The following UGT2B17 variants were observed in gnomAD, a reference collection of about 807,000 sequenced individuals.
The protein encoded by UGT2B17 is UDP glucuronosyltransferase family 2 member B17.
A neutral mutation model predicts 48.2 loss-of-function variants in UGT2B17; 21 were observed. That is an observed-to-expected ratio of 0.44 (90% confidence interval 0.31 to 0.63). The LOEUF is 0.63. Ranked by LOEUF, UGT2B17 falls within the 20% of genes least tolerant of loss-of-function variation. UGT2B17 has a pLI of 0.08. For missense variants in UGT2B17, 402 were observed against 696.1 expected, an observed-to-expected ratio of 0.58 and a Z score of 4.75; for synonymous variants, 146 against 238.4, an observed-to-expected ratio of 0.61 and a Z score of 3.57.
chr4:68,538,690 C>A lies in UGT2B17; in HGVS notation c.1314-786G>T, dbSNP rs1437635787. Among the ~76,000 whole-genome samples the A allele has an allele frequency of 1.6e-5, 2 of 126,556 alleles. 1 individual carries two copies. The highest frequency in any genetic ancestry group is 3.3e-5 in the Non-Finnish European group (2 of 59,722). 83.0% of individuals were successfully genotyped at this position (126,556 alleles called of 152,430 possible). A position where few individuals can be genotyped will look rare whatever the true frequency, so the allele number is the denominator to read the frequency against. ...AATTAATGTCAAATTATGACAGTTG[C>A]CTGTCAAGATTTCCATCTGGTTTCT... is the stretch of plus-strand genomic sequence containing the variant. On this transcript the variant is annotated intron_variant, in intron 6 of 6. Transcript: ENST00000317746.
At position 68,542,434 on chromosome 4, in the gene UGT2B17, C is replaced by T. The variant is rs1455615365; in HGVS notation, c.1314-4530G>A. Among the ~76,000 whole-genome samples the T allele has an allele frequency of 1.6e-5, 2 of 125,996 alleles. 1 individual carries two copies. The highest frequency in any genetic ancestry group is 3.4e-5 in the Non-Finnish European group (2 of 59,538). 82.7% of individuals were successfully genotyped at this position (125,996 alleles called of 152,430 possible). On this transcript the variant is annotated intron_variant, in intron 6 of 6. Transcript: ENST00000317746. ...GTCAATGGTAGTTTGATGGGAATAG[C>T]TTTGAATATATAAATTACTGTGGGA...
rs140784626 is a variant in UGT2B17, at chr4:68,540,831, C to G, written c.1314-2927G>C. ...CCCCGAATGGCCCCGGTGTGTTTTG[C>G]TCCCCTCCCTGAGTCCATGTATTCT... is the stretch of plus-strand genomic sequence containing the variant. On this transcript the variant is annotated intron_variant, in intron 6 of 6. Transcript: ENST00000317746. Among the ~76,000 whole-genome samples, 2 of 124,450 alleles carry G rather than the reference C, an allele frequency of 1.6e-5. 1 individual carries two copies. The highest frequency in any genetic ancestry group is 5.5e-5 in the African/African-American group (2 of 36,356). The allele number at this position is 124,450 out of a possible 152,430, so 81.6% of individuals were successfully genotyped here.
At chr4:68,552,025 G>A in intron 4 of UGT2B17, 114 bp from the exon 5 acceptor site, 3 of 760,246 alleles carry the variant, frequency 3.9e-6, no homozygotes, top group Non-Finnish European at 5.3e-6. Context: ...GAAGAAATAA[G>A]AAGAAGTGAT....
chr4:68,563,031 T>A (rs1560580505), intron 3 of UGT2B17, among the ~76,000 whole-genome samples: 1 of 127,004 alleles, frequency 7.9e-6, no homozygotes. Flanking sequence ...CAGAGTTTTT[T>A]AACGAATATT....
In UGT2B17 at chr4:68,562,796, G is replaced by T. The variant is rs1369070075; in HGVS notation, c.874-2128C>A. Among the ~76,000 whole-genome samples, 4 of 125,916 alleles carry T rather than the reference G, an allele frequency of 3.2e-5. 1 individual carries two copies. The highest frequency in any genetic ancestry group is 1.1e-4 in the African/African-American group (4 of 36,916). The allele number at this position is 125,916 out of a possible 152,430, so 82.6% of individuals were successfully genotyped here. A position where few individuals can be genotyped will look rare whatever the true frequency, so the allele number is the denominator to read the frequency against. On this transcript the variant is annotated intron_variant, in intron 3 of 6. Coordinates refer to ENST00000317746, the MANE Select transcript of UGT2B17 (RefSeq NM_001077.4). ...TTTATATAACTCAATGTACATATGT[G>T]ATGTTTATTTAGAAAATTTTTTCTC...
chr4:68,569,429 T>TA (rs1448049871), intron 1 of UGT2B17, among the ~76,000 whole-genome samples: 1 of 124,416 alleles, frequency 8.0e-6, no homozygotes, highest in African/African-American at 2.8e-5. Context: ...CCAAGCAAAA[T>TA]ATAGGGGTAG....
At position 68,556,806 on chromosome 4, in the gene UGT2B17, A is replaced by C. The variant is rs1229681884; in HGVS notation, c.1005+3731T>G. ...CAAATTGAGTCTCCTCTCTCAAAGA[A>C]TGAAGATTTTTGCCTTTTTTTGAAA... is the stretch of plus-strand genomic sequence containing the variant. On this transcript the variant is annotated intron_variant, in intron 4 of 6. Coordinates refer to ENST00000317746, the MANE Select transcript of UGT2B17 (RefSeq NM_001077.4). Among the ~76,000 whole-genome samples the C allele has an allele frequency of 6.4e-5, 8 of 125,912 alleles. 2 individuals are homozygous for C. The highest frequency in any genetic ancestry group is 2.4e-4 in the Admixed American group (3 of 12,248). The allele number at this position is 125,912 out of a possible 152,430, so 82.6% of individuals were successfully genotyped here. A position where few individuals can be genotyped will look rare whatever the true frequency, so the allele number is the denominator to read the frequency against.
intron 3 of UGT2B17, among the ~76,000 whole-genome samples, chr4:68,564,288 A>ATTTTTTT (rs1387074234): frequency 4.6e-5 from 4 of 87,414 alleles, no homozygotes; most frequent in African/African-American, 2.7e-4. Context: ...ATATATATAT[A>ATTTTTTT]TATATATTTT....
At chr4:68,542,010 C>A (rs1168655964) in intron 6 of UGT2B17, among the ~76,000 whole-genome samples, 1 of 122,508 alleles carries the variant, frequency 8.2e-6, no homozygotes, top group Admixed American at 8.4e-5. Context: ...TATATGTCTG[C>A]TTTTGTTCCA....
chr4:68,571,405 C>T (rs1432169193), intron 1 of UGT2B17, among the ~76,000 whole-genome samples: 1 of 125,234 alleles, frequency 8.0e-6, no homozygotes, highest in Non-Finnish European at 1.7e-5. Context: ...CGGTGGGGGC[C>T]GTCCAGTCCC....
chr4:68,564,584 C>G (rs1223053615), intron 3 of UGT2B17, among the ~76,000 whole-genome samples: 1 of 124,952 alleles, frequency 8.0e-6, no homozygotes, highest in African/African-American at 2.7e-5. Flanking sequence ...CCACCACGCC[C>G]GGCCCATCAT....
At chr4:68,559,623 G>C (rs1165816646) in intron 4 of UGT2B17, among the ~76,000 whole-genome samples, 1 of 126,376 alleles carries the variant, frequency 7.9e-6, no homozygotes, top group Non-Finnish European at 1.7e-5. Context: ...GCAAAAACTT[G>C]CATAGATCAT....
chr4:68,547,184 G>A (rs539451508), intron 6 of UGT2B17, among the ~76,000 whole-genome samples: 1,657 of 119,426 alleles, frequency 0.014, 292 homozygotes, highest in African/African-American at 0.045. Context: ...ATACTACAAG[G>A]CTACAGTAAC....
intron 4 of UGT2B17, among the ~76,000 whole-genome samples, chr4:68,554,597 T>C (rs1287535143): frequency 1.6e-5 from 2 of 125,576 alleles, no homozygotes; most frequent in African/African-American, 5.4e-5. Context: ...TTTGTGTGTG[T>C]GTAAGTGTTT....
rs1163170510 is a variant in UGT2B17, at chr4:68,537,532, A to G, written c.*93T>C. 2 of 1,112,354 alleles carry G rather than the reference A, an allele frequency of 1.8e-6. No individual in the cohort carries two copies. Among genetic ancestry groups the G allele is most frequent in the Non-Finnish European group, 2.3e-6 (2 of 867,644 alleles). The allele number at this position is 1,112,354 out of a possible 1,614,324, so 68.9% of individuals were successfully genotyped here. A position where few individuals can be genotyped will look rare whatever the true frequency, so the allele number is the denominator to read the frequency against. On this transcript the variant is annotated 3_prime_UTR_variant, in exon 7 of 7. Coordinates refer to ENST00000317746, the MANE Select transcript of UGT2B17 (RefSeq NM_001077.4). Reference sequence around the variant, plus strand: ...AAGTTGTGAAAAGACGTTTTGTCGCAGGAAAAAGGAAATCCTCCATTTAAA... The same window carrying G: ...AAGTTGTGAAAAGACGTTTTGTCGCGGGAAAAAGGAAATCCTCCATTTAAA...
rs1258815201 is a variant in UGT2B17 at position 68,571,590 on chromosome 4, C to T, written c.-64-3042G>A. On this transcript the variant is annotated intron_variant, in intron 1 of 6. Transcript: ENST00000317746. ...TGAGTGAATCCTTTTCCTTCTTTAGCTATGCAATACTGTCTAATAATTGAG... is the reference window on the plus strand; with the variant it reads ...TGAGTGAATCCTTTTCCTTCTTTAGTTATGCAATACTGTCTAATAATTGAG... Among the ~76,000 whole-genome samples the T allele has an allele frequency of 4.8e-5, 6 of 126,258 alleles. 1 individual carries two copies. The highest frequency in any genetic ancestry group is 1.6e-4 in the African/African-American group (6 of 36,834). The allele number at this position is 126,258 out of a possible 152,430, so 82.8% of individuals were successfully genotyped here. A position where few individuals can be genotyped will look rare whatever the true frequency, so the allele number is the denominator to read the frequency against.
At chr4:68,574,687 T>C (rs1362684988) in intron 1 of UGT2B17, among the ~76,000 whole-genome samples, 2 of 126,864 alleles carry the variant, frequency 1.6e-5, no homozygotes, top group African/African-American at 5.4e-5. Context: ...ATTAAAGTTA[T>C]ATTTTACTTT....
At position 68,548,838 on chromosome 4, in the gene UGT2B17, T is replaced by C. The variant is rs1383131168; in HGVS notation, c.1313+1839A>G. Among the ~76,000 whole-genome samples the C allele has an allele frequency of 3.2e-5, 4 of 125,002 alleles. 1 individual carries two copies. The highest frequency in any genetic ancestry group is 5.1e-5 in the Non-Finnish European group (3 of 59,224). 82.0% of individuals were successfully genotyped at this position (125,002 alleles called of 152,430 possible). A position where few individuals can be genotyped will look rare whatever the true frequency, so the allele number is the denominator to read the frequency against. ...GGTGTATAGGAATACTTGTAATTTT[T>C]GCATATTGATTTTTCTATCCGGAGG... On this transcript the variant is annotated intron_variant, in intron 6 of 6. Transcript: ENST00000317746.
rs1372281443 is a variant in UGT2B17 at position 68,566,002 on chromosome 4, T to A, written c.725-282A>T. On this transcript the variant is annotated intron_variant, in intron 2 of 6. Coordinates refer to ENST00000317746, the MANE Select transcript of UGT2B17 (RefSeq NM_001077.4). ...ATATTTTAATTTAATAGTATTTAATTTTTAATTTTTAATATTTAATAAAGT... is the reference window on the plus strand; with the variant it reads ...ATATTTTAATTTAATAGTATTTAATATTTAATTTTTAATATTTAATAAAGT... Among the ~76,000 whole-genome samples the A allele has an allele frequency of 2.5e-5, 3 of 118,756 alleles. 1 individual carries two copies. The highest frequency in any genetic ancestry group is 1.5e-3 in the East Asian group (2 of 1,294). The allele number at this position is 118,756 out of a possible 152,430, so 77.9% of individuals were successfully genotyped here.
Sources: allele counts gnomAD v4.1 joint callset (sites outside exome capture counted in the v4.1 genomes callset), GRCh38; gene constraint gnomAD v4.1.1; transcripts MANE v1.5; gene names NCBI Gene and HGNC (gene_info 2026-07-23, HGNC 2026-07-21).